The following C12orf75 variants were observed in gnomAD, a reference collection of about 807,000 sequenced individuals.
C12orf75 encodes chromosome 12 open reading frame 75.
Under a neutral mutation model 11.4 loss-of-function variants are expected in C12orf75, and 4 were observed. The ratio of observed to expected loss-of-function variants is 0.35; its 90% CI spans 0.17 to 0.80. C12orf75 has a LOEUF of 0.80. C12orf75 is among the 30% of genes least tolerant of loss of function. The pLI, the probability that C12orf75 is intolerant of heterozygous loss-of-function variation, is 0.52. For synonymous variants in C12orf75, 30 were observed against 30.0 expected (o/e 1.00, Z 0.00); for missense variants, 89 against 80.4 (o/e 1.11, Z -0.41).
intron 5 of C12orf75, among the ~76,000 whole-genome samples, chr12:105,367,809 G>A (rs1451447251): frequency 1.3e-5 from 2 of 152,132 alleles, no homozygotes; most frequent in African/African-American, 4.8e-5. Flanking sequence ...AAATCTTTGA[G>A]GGCCTAGGAC....
intron 1 of C12orf75, among the ~76,000 whole-genome samples, chr12:105,344,092 G>C (rs1011631177): frequency 6.6e-6 from 1 of 152,210 alleles, no homozygotes; most frequent in African/African-American, 2.4e-5. Flanking sequence ...GGTGCCCATA[G>C]CTTGGTGCAA....
At chr12:105,368,135 C>T (rs183300292) in intron 5 of C12orf75, among the ~76,000 whole-genome samples, 7 of 152,182 alleles carry the variant, frequency 4.6e-5, no homozygotes, top group East Asian at 1.9e-4. Context: ...ACAAGAACAA[C>T]GACAAGAGAA....
Position 105,331,836 on chromosome 12 carries a change from A to G in C12orf75, c.46+899A>G, listed in dbSNP as rs541888715. On this transcript the variant is annotated intron_variant, in intron 1 of 5. Coordinates refer to ENST00000443585, the MANE Select transcript of C12orf75 (RefSeq NM_001145199.2). ...GTGTCCTTTTGGATAAAGAGCTCCT[A>G]TCTCCTCCAATTGAAGTCAACCAGA... 7.9e-5 allele frequency among the ~76,000 whole-genome samples: 12 copies of G among 152,284 alleles called. 1 individual carries two copies. The highest frequency in any genetic ancestry group is 2.2e-4 in the African/African-American group (9 of 41,556).
In C12orf75 at chr12:105,362,892, A is replaced by G. The variant is rs567479399; in HGVS notation, c.72-2915A>G. Among the ~76,000 whole-genome samples the G allele has an allele frequency of 7.9e-5, 12 of 152,354 alleles. No homozygotes were observed. In the South Asian group the frequency reaches 2.5e-3, roughly 32 times the overall value. The stretch of plus-strand genomic sequence containing the variant: ...GGTCTTGCAAGATTGTATAAGGATT[A>G]AATGAACTAATATAATAGGATTAGC... On this transcript the variant is annotated intron_variant, in intron 2 of 5. Coordinates refer to ENST00000443585, the MANE Select transcript of C12orf75 (RefSeq NM_001145199.2).
At chr12:105,359,400 T>C (rs74495338) in intron 2 of C12orf75, among the ~76,000 whole-genome samples, 1,867 of 152,276 alleles carry the variant, frequency 0.012, 49 homozygotes, top group African/African-American at 0.042. Flanking sequence ...TTCCAGTTTT[T>C]AGTGCGTTGG....
chr12:105,360,701 G>T (rs1892850153), intron 2 of C12orf75, among the ~76,000 whole-genome samples: 1 of 152,110 alleles, frequency 6.6e-6, no homozygotes, highest in Admixed American at 6.5e-5. Flanking sequence ...ACCCAGGCTG[G>T]AGTGCAGTGG....
chr12:105,348,901 G>A (rs980319682), intron 2 of C12orf75, among the ~76,000 whole-genome samples: 5 of 145,022 alleles, frequency 3.4e-5, no homozygotes, highest in Non-Finnish European at 7.8e-5. Context: ...CTGGTATAGA[G>A]ATTTTTTTTT....
intron 5 of C12orf75, among the ~76,000 whole-genome samples, chr12:105,369,218 G>A (rs1246289595): frequency 2.0e-5 from 3 of 152,152 alleles, no homozygotes; most frequent in African/African-American, 4.8e-5. Context: ...TGTTAGACAC[G>A]ATGATTGCTC....
rs1871602961 is a variant in C12orf75, at chr12:105,370,734, C to G, written c.*134C>G. Reference sequence around the variant, plus strand: ...AACAGTCACCCTTCCCTTTTGCATTCCCCCAAATCTTAAGTGTATACATAA... The same window carrying G: ...AACAGTCACCCTTCCCTTTTGCATTGCCCCAAATCTTAAGTGTATACATAA... On this transcript the variant is annotated 3_prime_UTR_variant, in exon 6 of 6. Transcript: ENST00000443585. 2.2e-6 allele frequency: 1 copy of G among 457,534 alleles called. No homozygotes were observed. Among genetic ancestry groups the G allele is most frequent in the Admixed American group, 2.3e-5 (1 of 42,566 alleles). 28.3% of individuals were successfully genotyped at this position (457,534 alleles called of 1,614,324 possible). A position where few individuals can be genotyped will look rare whatever the true frequency, so the allele number is the denominator to read the frequency against.
chr12:105,357,805 TGTGAGAGAGA>T (rs1435710207), intron 2 of C12orf75, among the ~76,000 whole-genome samples: 4 of 142,796 alleles, frequency 2.8e-5, no homozygotes, highest in South Asian at 2.2e-4. Context: ...TGTGTGTGTG[TGTGAGAGAGA>T]GAGAGAGAGA....
chr12:105,334,301 T>A (rs1395005130), intron 1 of C12orf75, among the ~76,000 whole-genome samples: 4 of 152,242 alleles, frequency 2.6e-5, no homozygotes, highest in Non-Finnish European at 5.9e-5. Context: ...TTTGTTGCTC[T>A]TGAGAAATTG....
chr12:105,363,165 A>T (rs1186235415), intron 2 of C12orf75, among the ~76,000 whole-genome samples: 1 of 152,206 alleles, frequency 6.6e-6, no homozygotes, highest in African/African-American at 2.4e-5. Context: ...TTGTATGTTT[A>T]TGAATTACAT....
intron 1 of C12orf75, 106 bp downstream of exon 1, chr12:105,331,043 C>T (rs1892415703): frequency 1.3e-6 from 1 of 741,438 alleles, no homozygotes; most frequent in Non-Finnish European, 1.8e-6. Context: ...CTCTCCCCGT[C>T]CCCATTTTCG....
chr12:105,336,620 C>A (rs1051763550), intron 1 of C12orf75, among the ~76,000 whole-genome samples: 1 of 152,080 alleles, frequency 6.6e-6, no homozygotes, highest in Non-Finnish European at 1.5e-5. Context: ...GTGCTGAGGG[C>A]CTGGATCATG....
chr12:105,351,417 A>G (rs939434698), intron 2 of C12orf75, among the ~76,000 whole-genome samples: 11 of 152,188 alleles, frequency 7.2e-5, no homozygotes, highest in African/African-American at 1.9e-4. Context: ...TAAAAAATCA[A>G]TTCTCTAGGA....
chr12:105,341,329 C>A (rs556732742), intron 1 of C12orf75, among the ~76,000 whole-genome samples: 7 of 152,088 alleles, frequency 4.6e-5, no homozygotes, highest in African/African-American at 1.7e-4. Context: ...TTCCTGACAC[C>A]TAATTCTTTG....
chr12:105,359,957 A>G (rs1170461409), intron 2 of C12orf75, among the ~76,000 whole-genome samples: 1 of 152,026 alleles, frequency 6.6e-6, no homozygotes, highest in Non-Finnish European at 1.5e-5. Context: ...CCTCTTTTCT[A>G]GTTTCAGCCA....
chr12:105,336,010 T>C (rs2136139891), intron 1 of C12orf75, among the ~76,000 whole-genome samples: 1 of 152,320 alleles, frequency 6.6e-6, no homozygotes, highest in African/African-American at 2.4e-5. Context: ...GAAGTGGAAC[T>C]TGATTTGGGT....
At chr12:105,331,948 C>T (rs1440714866) in intron 1 of C12orf75, among the ~76,000 whole-genome samples, 1 of 152,180 alleles carries the variant, frequency 6.6e-6, no homozygotes, top group Non-Finnish European at 1.5e-5. Flanking sequence ...CTGGCAATGA[C>T]TTTGTAACCT....
Sources: allele counts gnomAD v4.1 joint callset (sites outside exome capture counted in the v4.1 genomes callset), GRCh38; gene constraint gnomAD v4.1.1; transcripts MANE v1.5; gene names NCBI Gene and HGNC (gene_info 2026-07-23, HGNC 2026-07-21).